The following LARGE1 variants were observed in gnomAD, a reference collection of about 807,000 sequenced individuals.
LARGE1 encodes xylosyl- and glucuronyltransferase LARGE1.
Under a neutral mutation model 87.6 loss-of-function variants are expected in LARGE1, and 43 were observed. The observed-to-expected ratio is 0.49, with a 90% CI of 0.38 to 0.63. The LOEUF (loss-of-function observed/expected upper bound fraction) is 0.63. Ranked by LOEUF, LARGE1 falls within the 30% of genes least tolerant of loss-of-function variation. The pLI, the probability that LARGE1 is intolerant of heterozygous loss-of-function variation, is 0.00. For synonymous variants in LARGE1, 434 were observed against 394.6 expected (o/e 1.10, Z -1.18); for missense variants, 802 against 1,000.2 (o/e 0.80, Z 2.67).
the LARGE1 span, among the ~76,000 whole-genome samples, chr22:33,116,624 A>G: frequency 3.3e-5 from 5 of 151,812 alleles, no homozygotes; most frequent in Admixed American, 6.6e-5. Context: ...CGGCCTCCCA[A>G]AGTGCTGGGA....
intron 11 of LARGE1, among the ~76,000 whole-genome samples, chr22:33,230,851 C>T (rs1925973149): frequency 6.6e-6 from 1 of 152,212 alleles, no homozygotes; most frequent in Non-Finnish European, 1.5e-5. Flanking sequence ...TCCATAGACA[C>T]CTCTATGACC....
At chr22:33,209,783 C>T (rs946324389) in intron 11 of LARGE1, among the ~76,000 whole-genome samples, 2 of 152,076 alleles carry the variant, frequency 1.3e-5, no homozygotes, top group Admixed American at 6.6e-5. Context: ...GGAGCTGGGA[C>T]TACAGGCGTG....
chr22:33,138,340 T>A, the LARGE1 span, among the ~76,000 whole-genome samples: 2 of 152,168 alleles, frequency 1.3e-5, no homozygotes, highest in African/African-American at 4.8e-5. Context: ...TGCCTGTACC[T>A]CCATTGTATG....
At chr22:33,089,368 T>TCTTCTTCTTCTTCTTCTTCTC in the LARGE1 span, among the ~76,000 whole-genome samples, 20 of 78,212 alleles carry the variant, frequency 2.6e-4, no homozygotes, top group Non-Finnish European at 4.3e-4. Context: ...TTCTTCTTCT[T>TCTTCTTCTTCTTCTTCTTCTC]CTCCTTCTTC....
At chr22:33,821,975 A>G (rs1476428749) in intron 1 of LARGE1, among the ~76,000 whole-genome samples, 2 of 139,618 alleles carry the variant, frequency 1.4e-5, no homozygotes, top group Non-Finnish European at 3.1e-5. Flanking sequence ...TTTTTTAAAG[A>G]GCTGTTTCTA....
chr22:33,120,331 TTC>T, the LARGE1 span, among the ~76,000 whole-genome samples: 2 of 148,480 alleles, frequency 1.3e-5, no homozygotes, highest in Non-Finnish European at 3.0e-5. Flanking sequence ...TTTTCTTTCT[TTC>T]TTTCTTTTTC....
At chr22:33,808,677 G>A (rs1209592158) in intron 1 of LARGE1, among the ~76,000 whole-genome samples, 1 of 152,208 alleles carries the variant, frequency 6.6e-6, no homozygotes, top group African/African-American at 2.4e-5. Flanking sequence ...ATTTCACAGT[G>A]ACGAGTACAC....
intron 11 of LARGE1, among the ~76,000 whole-genome samples, chr22:33,176,162 A>T (rs547260136): frequency 6.6e-6 from 1 of 152,356 alleles, no homozygotes; most frequent in African/African-American, 2.4e-5. Context: ...CTCAAGATGG[A>T]TGAAAGACTT....
At chr22:33,197,381 A>G (rs969159473) in intron 11 of LARGE1, among the ~76,000 whole-genome samples, 12 of 152,068 alleles carry the variant, frequency 7.9e-5, no homozygotes, top group African/African-American at 2.9e-4. Flanking sequence ...GTGATTGTTT[A>G]TATATAAAAT....
At chr22:33,680,915 T>C (rs2081748871) in intron 2 of LARGE1, among the ~76,000 whole-genome samples, 1 of 152,234 alleles carries the variant, frequency 6.6e-6, no homozygotes, top group Non-Finnish European at 1.5e-5. Context: ...CCATCACACT[T>C]GAAATCCAGA....
At chr22:33,675,942 T>C (rs1459606035) in intron 2 of LARGE1, among the ~76,000 whole-genome samples, 1 of 150,880 alleles carries the variant, frequency 6.6e-6, no homozygotes, top group Non-Finnish European at 1.5e-5. Flanking sequence ...TGAACAAAAA[T>C]CTGTCTCCAA....
chr22:33,700,283 G>A (rs2082367378), intron 2 of LARGE1, among the ~76,000 whole-genome samples: 1 of 152,182 alleles, frequency 6.6e-6, no homozygotes, highest in Non-Finnish European at 1.5e-5. Context: ...TCTGATGCAT[G>A]CTGGAGTTTG....
At chr22:33,534,329 A>G (rs1047006250) in intron 6 of LARGE1, among the ~76,000 whole-genome samples, 9 of 151,948 alleles carry the variant, frequency 5.9e-5, no homozygotes, top group African/African-American at 2.2e-4. Context: ...GTGTGAACCC[A>G]GGAGGCGGAG....
At chr22:33,491,035 T>C (rs1283128104) in intron 6 of LARGE1, among the ~76,000 whole-genome samples, 1 of 152,150 alleles carries the variant, frequency 6.6e-6, no homozygotes, top group Non-Finnish European at 1.5e-5. Flanking sequence ...TCCCCTTCAA[T>C]TGCTGTGAGA....
intron 1 of LARGE1, among the ~76,000 whole-genome samples, chr22:33,859,600 G>A (rs192318582): frequency 5.3e-4 from 81 of 152,298 alleles, no homozygotes; most frequent in Middle Eastern, 6.8e-3. Flanking sequence ...GAAGTAAAAA[G>A]CAGTCAGAAG....
At chr22:33,868,988 G>A (rs1484439920) in intron 1 of LARGE1, among the ~76,000 whole-genome samples, 3 of 152,184 alleles carry the variant, frequency 2.0e-5, no homozygotes, top group Non-Finnish European at 4.4e-5. Context: ...TGGGGTTGTG[G>A]AAAGAAGGGC....
chr22:33,136,091 T>A, the LARGE1 span, among the ~76,000 whole-genome samples: 2 of 152,138 alleles, frequency 1.3e-5, no homozygotes, highest in Non-Finnish European at 2.9e-5. Context: ...TTGGACTAGG[T>A]GCTGGATAAT....
intron 11 of LARGE1, among the ~76,000 whole-genome samples, chr22:33,254,496 G>C (rs1335228429): frequency 7.2e-5 from 11 of 152,188 alleles, no homozygotes; most frequent in Non-Finnish European, 1.2e-4. Context: ...CTAAGCAAAT[G>C]TGCTACATAT....
chr22:33,744,541 T>A (rs563089637), intron 2 of LARGE1, among the ~76,000 whole-genome samples: 38 of 152,344 alleles, frequency 2.5e-4, no homozygotes, highest in Non-Finnish European at 5.3e-4. Context: ...TGCTTTCCCA[T>A]GGGTCCTCAG....
Sources: allele counts gnomAD v4.1 joint callset (sites outside exome capture counted in the v4.1 genomes callset), GRCh38; gene constraint gnomAD v4.1.1; transcripts MANE v1.5; gene names NCBI Gene and HGNC (gene_info 2026-07-23, HGNC 2026-07-21).